NAV3: variants seen among roughly 807,000 people sequenced by gnomAD.
NAV3 encodes neuron navigator 3, also known as pore membrane and/or filament interacting like protein 1.
NAV3 carries 87 observed loss-of-function variants against 244.7 expected under a neutral mutation model. That is an observed-to-expected ratio of 0.36 (90% confidence interval 0.30 to 0.42). NAV3 has a LOEUF of 0.42. Among genes scored for constraint, NAV3 ranks in the 20% least tolerant of loss-of-function variants. NAV3 has a pLI of 1.00. For missense variants in NAV3, 2,663 were observed against 2,893.3 expected, an observed-to-expected ratio of 0.92 and a Z score of 1.83; for synonymous variants, 1,126 against 1,042.2, an observed-to-expected ratio of 1.08 and a Z score of -1.55.
intron 3 of NAV3, among the ~76,000 whole-genome samples, chr12:77,942,310 T>C (rs536484039): frequency 6.6e-6 from 1 of 152,044 alleles, no homozygotes; most frequent in Non-Finnish European, 1.5e-5. Flanking sequence ...AGGCGGAGGT[T>C]ATGGTGAGCG....
At chr12:78,139,096 AT>A (rs34120234) in intron 19 of NAV3, among the ~76,000 whole-genome samples, 9 of 151,664 alleles carry the variant, frequency 5.9e-5, no homozygotes, top group African/African-American at 9.7e-5. Flanking sequence ...GATAGAAAGA[AT>A]TTTTTTTTAA....
chr12:77,798,460 T>C lies in NAV3; in HGVS notation c.73-141859T>C, dbSNP rs529613299. Among the ~76,000 whole-genome samples the C allele has an allele frequency of 3.3e-5, 5 of 152,250 alleles. No individual in the cohort carries two copies. The South Asian group carries it at 1.0e-3, about 32-fold the overall frequency. Reference sequence around the variant, plus strand: ...TAAAATATAAAGTTGTAAAACTTTATAGCAATTATGAAGAGTATTTGATTT... The same window carrying C: ...TAAAATATAAAGTTGTAAAACTTTACAGCAATTATGAAGAGTATTTGATTT... On this transcript the variant is annotated intron_variant, in intron 2 of 8. Coordinates refer to the NAV3 transcript ENST00000550042.
At chr12:77,929,798 ATTTTTTTTT>A (rs10602394) in intron 1 of NAV3, among the ~76,000 whole-genome samples, 8 of 106,044 alleles carry the variant, frequency 7.5e-5, no homozygotes, top group African/African-American at 2.6e-4. Context: ...ACGGCCAGCT[ATTTTTTTTT>A]TTTTTTTTTT....
chr12:77,987,899 C>T (rs916511775), intron 5 of NAV3, among the ~76,000 whole-genome samples: 2 of 152,102 alleles, frequency 1.3e-5, no homozygotes, highest in South Asian at 4.1e-4. Context: ...ATGGTAACAG[C>T]GTAAAATTTT....
At chr12:78,083,321 G>C (rs559594277) in intron 12 of NAV3, among the ~76,000 whole-genome samples, 4 of 152,066 alleles carry the variant, frequency 2.6e-5, no homozygotes, top group Non-Finnish European at 5.9e-5. Context: ...TCTCATAAAG[G>C]TCTCACTTGT....
intron 2 of NAV3, among the ~76,000 whole-genome samples, chr12:77,772,287 C>T (rs1870133609): frequency 6.6e-6 from 1 of 151,602 alleles, no homozygotes; most frequent in South Asian, 2.1e-4. Context: ...ATGCTCTGAG[C>T]AACAAATAAT....
chr12:78,153,655 C>G (rs1282833955), intron 22 of NAV3, among the ~76,000 whole-genome samples: 1 of 152,052 alleles, frequency 6.6e-6, no homozygotes, highest in Non-Finnish European at 1.5e-5. Context: ...GGACACAAGG[C>G]TAGTTATTAC....
intron 2 of NAV3, among the ~76,000 whole-genome samples, chr12:77,811,447 T>C (rs1200259962): frequency 6.6e-6 from 1 of 152,204 alleles, no homozygotes; most frequent in Non-Finnish European, 1.5e-5. Context: ...GTCAAATTAT[T>C]TGGTTGTACA....
intron 9 of NAV3, among the ~76,000 whole-genome samples, chr12:78,046,247 T>G (rs1446970534): frequency 1.3e-5 from 2 of 152,216 alleles, no homozygotes; most frequent in Non-Finnish European, 2.9e-5. Context: ...TGCTCTGATC[T>G]TAGTTATTTC....
In NAV3 at chr12:77,932,437, A is replaced by G. The variant is rs966003592; in HGVS notation, c.244-7882A>G. On this transcript the variant is annotated intron_variant, in intron 1 of 39. Transcript: ENST00000397909. Reference sequence around the variant, plus strand: ...TCCCTCTGCAGGCTTCTGTGGGTCCATCTTCCTTTACTACTCTGCTACATG... The same window carrying G: ...TCCCTCTGCAGGCTTCTGTGGGTCCGTCTTCCTTTACTACTCTGCTACATG... Among the ~76,000 whole-genome samples, 6 of 152,096 alleles carry G rather than the reference A, an allele frequency of 3.9e-5. No homozygotes were observed. The East Asian group carries it at 5.8e-4, about 15-fold the overall frequency.
chr12:77,986,567 G>C (rs1041402563), intron 5 of NAV3, among the ~76,000 whole-genome samples: 1 of 152,038 alleles, frequency 6.6e-6, no homozygotes, highest in Admixed American at 6.6e-5. Flanking sequence ...ATAGAATTCT[G>C]TATGTGTATT....
intron 2 of NAV3, among the ~76,000 whole-genome samples, chr12:77,610,053 A>G (rs1038843882): frequency 2.0e-5 from 3 of 151,946 alleles, no homozygotes; most frequent in Non-Finnish European, 4.4e-5. Context: ...TATTTTACTC[A>G]TGGCCTTACA....
Position 78,177,704 on chromosome 12 carries a change from C to T in NAV3, c.5363+19C>T. ...GATCTCGGTAAAGTGGAGTGCGATG[C>T]ATGAATACTGCAAAGATCCAGGTTC... On this transcript the variant is annotated intron_variant, in intron 28 of 39. Coordinates refer to ENST00000397909, the MANE Select transcript of NAV3 (RefSeq NM_001024383.2). The T allele has an allele frequency of 1.3e-6, 2 of 1,594,432 alleles. No homozygotes were observed. The highest frequency in any genetic ancestry group is 8.5e-7 in the Non-Finnish European group (1 of 1,176,978).
rs186586739 is a variant in NAV3, at chr12:77,659,991, G to A, written c.72+87725G>A. On this transcript the variant is annotated intron_variant, in intron 2 of 8. Coordinates refer to the NAV3 transcript ENST00000550042. ...GGGGGAGGGGGGAGGGATAGCACTGGGAGATATACCTAATGCTAGATGACG... is the reference window on the plus strand; with the variant it reads ...GGGGGAGGGGGGAGGGATAGCACTGAGAGATATACCTAATGCTAGATGACG... Among the ~76,000 whole-genome samples the A allele has an allele frequency of 2.8e-3, 420 of 151,644 alleles. 1 individual carries two copies. Among genetic ancestry groups the A allele is most frequent in the African/African-American group, 9.7e-3 (402 of 41,260 alleles).
At chr12:78,053,274 A>G (rs1445045783) in intron 11 of NAV3, among the ~76,000 whole-genome samples, 2 of 151,462 alleles carry the variant, frequency 1.3e-5, no homozygotes, top group Non-Finnish European at 2.9e-5. Flanking sequence ...ATGTGTATGT[A>G]TGTATATATA....
intron 1 of NAV3, among the ~76,000 whole-genome samples, chr12:77,924,156 T>C (rs1887970980): frequency 6.6e-6 from 1 of 152,152 alleles, no homozygotes; most frequent in African/African-American, 2.4e-5. Flanking sequence ...CTTTGTTATG[T>C]ACAGTCACTC....
At chr12:78,193,113 C>A (rs181134345) in intron 34 of NAV3, among the ~76,000 whole-genome samples, 129 of 152,218 alleles carry the variant, frequency 8.5e-4, no homozygotes, top group Non-Finnish European at 1.5e-3. Flanking sequence ...ACTGAAGAGA[C>A]AAATCCAAAA....
chr12:78,037,492 A>G (rs1880103119), intron 9 of NAV3: 1 of 593,930 alleles, frequency 1.7e-6, no homozygotes, highest in Non-Finnish European at 3.0e-6. Flanking sequence ...TTTTAGACTG[A>G]TTTTTAAAAA....
chr12:78,170,476 C>A (rs984797330), intron 24 of NAV3, among the ~76,000 whole-genome samples: 1 of 151,724 alleles, frequency 6.6e-6, no homozygotes, highest in Non-Finnish European at 1.5e-5. Flanking sequence ...TCTTATCCTG[C>A]TTTACACCAG....
Sources: allele counts gnomAD v4.1 joint callset (sites outside exome capture counted in the v4.1 genomes callset), GRCh38; gene constraint gnomAD v4.1.1; transcripts MANE v1.5; gene names NCBI Gene and HGNC (gene_info 2026-07-23, HGNC 2026-07-21).